Variants in GABRB3 observed in about 807,000 individuals in gnomAD.
GABRB3 encodes the protein gamma-aminobutyric acid receptor subunit beta-3.
A neutral mutation model predicts 52.1 loss-of-function variants in GABRB3; 14 were observed. That is an observed-to-expected ratio of 0.27 (90% CI 0.18 to 0.42). The LOEUF is 0.42. Among genes scored for constraint, GABRB3 ranks in the 10% least tolerant of loss-of-function variants. The probability of loss-of-function intolerance (pLI) is 1.00; values close to 1 mark genes in which losing one functional copy is unlikely to be tolerated. For synonymous variants in GABRB3, 260 were observed against 232.3 expected, an observed-to-expected ratio of 1.12 and a Z score of -1.08; for missense variants, 307 against 609.1, an observed-to-expected ratio of 0.50 and a Z score of 5.22.
intron 3 of GABRB3, among the ~76,000 whole-genome samples, chr15:26,756,490 G>A (rs1218131301): frequency 1.3e-5 from 2 of 151,844 alleles, no homozygotes; most frequent in African/African-American, 4.8e-5. Context: ...AGGTGGGAGG[G>A]TCACTTGAGC....
At chr15:26,581,046 G>T in intron 5 of GABRB3, 1 of 213,076 alleles carries the variant, frequency 4.7e-6, no homozygotes, top group Non-Finnish European at 9.5e-6. Flanking sequence ...CTTAGAGATG[G>T]GCACAGGTGG....
intron 3 of GABRB3, among the ~76,000 whole-genome samples, chr15:26,692,845 T>C (rs933215013): frequency 2.6e-5 from 4 of 152,168 alleles, no homozygotes; most frequent in African/African-American, 9.7e-5. Flanking sequence ...GACCAAGAAA[T>C]CTCGTTTTAC....
rs540065395 is a variant in GABRB3, at chr15:26,771,168, T to TA, written c.240+1233dup. 9.2e-5 allele frequency among the ~76,000 whole-genome samples: 14 copies of TA among 152,366 alleles called. No individual in the cohort carries two copies. The East Asian group carries it at 2.7e-3, about 29-fold the overall frequency. On this transcript the variant is annotated intron_variant, in intron 3 of 8. Transcript: ENST00000311550. ...AAAGTATCTCACTAACGTCTATTTT[T>TA]AAAAATAGTTTTACTTTATTTGTAT...
intron 3 of GABRB3, chr15:26,628,927 A>G: frequency 6.7e-7 from 1 of 1,503,578 alleles, no homozygotes; most frequent in Non-Finnish European, 9.0e-7. Flanking sequence ...CAGGTGCAAG[A>G]GCGCCTCCAC....
In GABRB3 at chr15:26,553,027, G is replaced by A. The variant is rs141943740; in HGVS notation, c.1081-4893C>T. Among the ~76,000 whole-genome samples the A allele has an allele frequency of 5.3e-5, 8 of 152,308 alleles. No homozygotes were observed. In the East Asian group the frequency reaches 1.3e-3, roughly 26 times the overall value. On this transcript the variant is annotated intron_variant, in intron 8 of 8. Coordinates refer to ENST00000311550, the MANE Select transcript of GABRB3 (RefSeq NM_000814.6). The stretch of plus-strand genomic sequence containing the variant: ...GTCATTTATCAAATAAGCTCAATTC[G>A]ATTGTATTAGAATGTCCAGCATCTT...
At chr15:26,703,389 C>G (rs1294814404) in intron 3 of GABRB3, among the ~76,000 whole-genome samples, 1 of 152,150 alleles carries the variant, frequency 6.6e-6, no homozygotes, top group African/African-American at 2.4e-5. Context: ...GCCCAGTTAT[C>G]CTTTAAATGT....
chr15:26,686,990 G>A (rs992696929), intron 3 of GABRB3, among the ~76,000 whole-genome samples: 15 of 152,232 alleles, frequency 9.9e-5, no homozygotes, highest in African/African-American at 3.4e-4. Context: ...GCAGCCACCC[G>A]CCAGCTCTGG....
intron 6 of GABRB3, among the ~76,000 whole-genome samples, chr15:26,571,011 T>C (rs1001434219): frequency 6.6e-6 from 1 of 152,186 alleles, no homozygotes; most frequent in Admixed American, 6.5e-5. Flanking sequence ...TTAGTTTCTT[T>C]ATATGACTCT....
At chr15:26,593,511 C>T (rs1345363882) in intron 4 of GABRB3, among the ~76,000 whole-genome samples, 1 of 152,126 alleles carries the variant, frequency 6.6e-6, no homozygotes, top group Non-Finnish European at 1.5e-5. Flanking sequence ...CATACTGTCT[C>T]TATGAATTGA....
intron 3 of GABRB3, among the ~76,000 whole-genome samples, chr15:26,701,293 G>A (rs1476400520): frequency 6.6e-6 from 1 of 152,158 alleles, no homozygotes; most frequent in Non-Finnish European, 1.5e-5. Flanking sequence ...AAGCCATCTA[G>A]ATTGGAAAGG....
At chr15:26,712,570 C>G (rs1889333623) in intron 3 of GABRB3, among the ~76,000 whole-genome samples, 1 of 152,064 alleles carries the variant, frequency 6.6e-6, no homozygotes, top group Admixed American at 6.6e-5. Context: ...GCCCGTGACT[C>G]CAGAATCCTA....
At chr15:26,753,046 C>T (rs1890559160) in intron 3 of GABRB3, among the ~76,000 whole-genome samples, 1 of 152,130 alleles carries the variant, frequency 6.6e-6, no homozygotes, top group Admixed American at 6.5e-5. Flanking sequence ...CTTGTACTGA[C>T]CAAATGGTGC....
In GABRB3 at chr15:26,554,170, T is replaced by A. The variant is rs575292160; in HGVS notation, c.1081-6036A>T. 7.4e-3 allele frequency among the ~76,000 whole-genome samples: 196 copies of A among 26,604 alleles called. 19 individuals are homozygous for A. The highest frequency in any genetic ancestry group is 0.024 in the African/African-American group (188 of 7,986). 17.5% of individuals were successfully genotyped at this position (26,604 alleles called of 152,430 possible). The stretch of plus-strand genomic sequence containing the variant: ...TATATATATATATAAAGTATATATA[T>A]ATAAAGTATATATATATATACTATA... On this transcript the variant is annotated intron_variant, in intron 8 of 8. Coordinates refer to ENST00000311550, the MANE Select transcript of GABRB3 (RefSeq NM_000814.6).
chr15:26,733,988 T>TA (rs1424617918), intron 3 of GABRB3, among the ~76,000 whole-genome samples: 1 of 148,376 alleles, frequency 6.7e-6, no homozygotes, highest in East Asian at 2.0e-4. Context: ...TCAAAATAGG[T>TA]AAAAAACCTA....
At chr15:26,596,921 T>C (rs2140771257) in intron 4 of GABRB3, among the ~76,000 whole-genome samples, 1 of 152,238 alleles carries the variant, frequency 6.6e-6, no homozygotes. Flanking sequence ...GTGAGAACCA[T>C]GTTGCTAGAG....
At chr15:26,596,356 C>T (rs1488936876) in intron 4 of GABRB3, among the ~76,000 whole-genome samples, 1 of 152,034 alleles carries the variant, frequency 6.6e-6, no homozygotes, top group Non-Finnish European at 1.5e-5. Context: ...CATGTGCATG[C>T]TAATGATTAG....
At chr15:26,648,406 G>A (rs553399472) in intron 3 of GABRB3, among the ~76,000 whole-genome samples, 1 of 152,354 alleles carries the variant, frequency 6.6e-6, no homozygotes, top group Non-Finnish European at 1.5e-5. Context: ...GCAAACTAGG[G>A]AGAAGCAATC....
rs75302632 is a variant in GABRB3 at position 26,576,325 on chromosome 15, A to G, written c.682+3994T>C. ...TTCTGGATAAATGTTTCCTCTTTAT[A>G]ATGTTTTCAGAAAAATACAGAATTT... On this transcript the variant is annotated intron_variant, in intron 6 of 8. Transcript: ENST00000311550. Among the ~76,000 whole-genome samples the G allele has an allele frequency of 2.6e-4, 39 of 152,316 alleles. No individual in the cohort carries two copies. The East Asian group carries it at 7.3e-3, about 29-fold the overall frequency.
At chr15:26,764,197 T>A (rs1190082299) in intron 3 of GABRB3, among the ~76,000 whole-genome samples, 6 of 4,834 alleles carry the variant, frequency 1.2e-3, no homozygotes, top group African/African-American at 2.2e-3. Flanking sequence ...TATATATATA[T>A]ATATATATAT....
Sources: allele counts gnomAD v4.1 joint callset (sites outside exome capture counted in the v4.1 genomes callset), GRCh38; gene constraint gnomAD v4.1.1; transcripts MANE v1.5; gene names NCBI Gene and HGNC (gene_info 2026-07-23, HGNC 2026-07-21).